Variants in PCDHA4 observed in about 807,000 individuals in gnomAD.
PCDHA4 encodes protocadherin alpha 4.
PCDHA4 carries 49 observed loss-of-function variants against 61.4 expected under a neutral mutation model. The observed-to-expected ratio is 0.80, with a 90% CI of 0.63 to 1.01. The LOEUF is 1.01. PCDHA4 is among the 50% of genes least tolerant of loss of function. The pLI is 0.00. For missense variants in PCDHA4, 1,254 were observed against 1,235.8 expected, an observed-to-expected ratio of 1.01 and a Z score of -0.22; for synonymous variants, 590 against 550.3, an observed-to-expected ratio of 1.07 and a Z score of -1.01.
chr5:140,934,704 T>C (rs185443398), intron 1 of PCDHA4, among the ~76,000 whole-genome samples: 134 of 152,288 alleles, frequency 8.8e-4, no homozygotes, highest in Non-Finnish European at 1.6e-3. Context: ...TTCCTGGCCA[T>C]CTTACAAAAA....
chr5:140,928,807 C>G (rs782261335), intron 1 of PCDHA4: 1 of 1,614,094 alleles, frequency 6.2e-7, no homozygotes, highest in Admixed American at 1.7e-5. Context: ...GGTAGTGGTT[C>G]GGGACCATGG....
At chr5:140,935,234 T>C (rs1160112983) in intron 1 of PCDHA4, among the ~76,000 whole-genome samples, 8 of 152,190 alleles carry the variant, frequency 5.3e-5, no homozygotes, top group Non-Finnish European at 1.2e-4. Context: ...GGATGTCTAT[T>C]TTTTAAAAGA....
chr5:140,869,332 G>T (rs1554162910), intron 1 of PCDHA4: 1 of 1,613,960 alleles, frequency 6.2e-7, no homozygotes, highest in South Asian at 1.1e-5. Context: ...CCTTCTGGAG[G>T]TAAATCTGCA....
At chr5:140,897,412 C>T (rs1304528785) in intron 1 of PCDHA4, among the ~76,000 whole-genome samples, 1 of 143,354 alleles carries the variant, frequency 7.0e-6, no homozygotes, top group Non-Finnish European at 1.5e-5. Context: ...TTGTTCAATT[C>T]CCATCTATGA....
chr5:140,969,123 C>G, intron 1 of PCDHA4: 1 of 1,614,172 alleles, frequency 6.2e-7, no homozygotes, highest in Non-Finnish European at 8.5e-7. Flanking sequence ...GGGAATGGCT[C>G]CCTCACCAAG....
intron 2 of PCDHA4, 101 bp downstream of exon 2, chr5:140,979,108 A>G: frequency 6.6e-7 from 1 of 1,526,122 alleles, no homozygotes; most frequent in African/African-American, 1.4e-5. Flanking sequence ...AAAACTAAAA[A>G]GCTTTAGGTA....
intron 1 of PCDHA4, chr5:140,831,253 C>T (rs1343986683): frequency 6.6e-6 from 1 of 152,124 alleles, no homozygotes; most frequent in African/African-American, 2.4e-5. Flanking sequence ...TCTCTTATTT[C>T]TGTTTGAATT....
Position 140,930,862 on chromosome 5 carries a change from GGT to G in PCDHA4, c.2386-48086_2386-48085del, listed in dbSNP as rs1554208154. On this transcript the variant is annotated intron_variant, in intron 1 of 3. Coordinates refer to ENST00000530339, the MANE Select transcript of PCDHA4 (RefSeq NM_018907.4). Reference sequence around the variant, plus strand: ...AAATATGTGCATATATGAATTGGATGGTAACACTGTTCAACACAGAGGGAAAA... The same window carrying G: ...AAATATGTGCATATATGAATTGGATGAACACTGTTCAACACAGAGGGAAAA... 5.3e-3 allele frequency among the ~76,000 whole-genome samples: 803 copies of G among 152,226 alleles called. 3 individuals carry two copies. Among genetic ancestry groups the G allele is most frequent in the Non-Finnish European group, 8.4e-3 (568 of 67,990 alleles).
intron 1 of PCDHA4, chr5:140,842,566 C>T (rs2150339391): frequency 1.0e-5 from 15 of 1,503,446 alleles, no homozygotes; most frequent in Non-Finnish European, 1.4e-5. Flanking sequence ...CCCTGGACCG[C>T]GAGAGAGTGT....
intron 1 of PCDHA4, chr5:140,853,382 A>C: frequency 1.0e-6 from 1 of 985,900 alleles, no homozygotes; most frequent in Non-Finnish European, 1.2e-6. Context: ...TAAAATTCAA[A>C]ACAGCCTGTC....
At chr5:140,858,617 AC>A (rs2045522200) in intron 1 of PCDHA4, 1 of 1,181,008 alleles carries the variant, frequency 8.5e-7, no homozygotes. Context: ...TTTTTATCCT[AC>A]CCAGTGTGTC....
chr5:140,824,126 A>G, intron 1 of PCDHA4: 2 of 1,613,742 alleles, frequency 1.2e-6, no homozygotes, highest in South Asian at 1.1e-5. Flanking sequence ...TCTACAGACA[A>G]CGTGAGTTTT....
In PCDHA4 at chr5:140,850,072, A is replaced by C. The variant is rs2150465925; in HGVS notation, c.2385+40500A>C. 113 of 1,596,472 alleles carry C rather than the reference A, an allele frequency of 7.1e-5. 13 individuals are homozygous for C. The Admixed American group carries it at 1.8e-3, about 25-fold the overall frequency. On this transcript the variant is annotated intron_variant, in intron 1 of 3. Coordinates refer to ENST00000530339, the MANE Select transcript of PCDHA4 (RefSeq NM_018907.4). The stretch of plus-strand genomic sequence containing the variant: ...TACGCGCTGCAGCCGTTGGACCACG[A>C]GGAGCTGGAGCTGCTACAGTTCCAG...
At position 140,809,518 on chromosome 5, in the gene PCDHA4, T is replaced by C; in HGVS notation, c.2331T>C (p.Pro777=). ...TCATGGCCTTCAGCCCCAGTTTACC[T>C]GACTCTAGGGACAGAGAAGATCAGC... ...TDLMAFSPSL[P]DSRDREDQLQ... The change falls in exon 1 of 4, where the codon CCT becomes CCC. Residue 777 remains proline (P), a synonymous_variant. Coordinates refer to ENST00000530339, the MANE Select transcript of PCDHA4 (RefSeq NM_018907.4). The C allele has an allele frequency of 1.2e-6, 2 of 1,614,220 alleles. No homozygotes were observed. The highest frequency in any genetic ancestry group is 1.7e-6 in the Non-Finnish European group (2 of 1,180,014).
intron 1 of PCDHA4, among the ~76,000 whole-genome samples, chr5:140,964,595 T>G (rs1233382494): frequency 6.6e-6 from 1 of 152,116 alleles, no homozygotes; most frequent in East Asian, 1.9e-4. Context: ...TCACTTTTCA[T>G]GACAACTTAC....
chr5:140,925,371 A>ATATT (rs1554202717), intron 1 of PCDHA4, among the ~76,000 whole-genome samples: 1 of 152,136 alleles, frequency 6.6e-6, no homozygotes, highest in Non-Finnish European at 1.5e-5. Context: ...CATAGTCAAT[A>ATATT]GTCAATGAGT....
At chr5:140,829,749 T>C in intron 1 of PCDHA4, 1 of 1,613,676 alleles carries the variant, frequency 6.2e-7, no homozygotes, top group Non-Finnish European at 8.5e-7. Context: ...ACGCTGCAGG[T>C]GTTCGTGCTG....
chr5:140,849,974 G>A lies in PCDHA4; in HGVS notation c.2385+40402G>A, dbSNP rs190398483. The stretch of plus-strand genomic sequence containing the variant: ...AGGAGAACGCCCTGGTGTCCTACTC[G>A]CTGGTGGAGCGGCGGTTGGGCGAGC... On this transcript the variant is annotated intron_variant, in intron 1 of 3. Transcript: ENST00000530339. The A allele has an allele frequency of 6.3e-5, 100 of 1,597,670 alleles. 8 individuals carry two copies. Among genetic ancestry groups the A allele is most frequent in the Non-Finnish European group, 7.6e-5 (89 of 1,167,890 alleles).
intron 1 of PCDHA4, chr5:140,816,131 T>C (rs1255867956): frequency 2.6e-5 from 4 of 152,222 alleles, no homozygotes; most frequent in Non-Finnish European, 4.4e-5. Flanking sequence ...GAAACTGTCA[T>C]AATGAGTAGA....
Sources: allele counts gnomAD v4.1 joint callset (sites outside exome capture counted in the v4.1 genomes callset), GRCh38; gene constraint gnomAD v4.1.1; transcripts MANE v1.5; gene names NCBI Gene and HGNC (gene_info 2026-07-23, HGNC 2026-07-21).